SV2C: variants seen among roughly 807,000 people sequenced by gnomAD.
SV2C encodes synaptic vesicle glycoprotein 2C.
SV2C carries 49 observed loss-of-function variants against 79.7 expected under a neutral mutation model. The observed-to-expected ratio is 0.61, with a 90% CI of 0.49 to 0.78. The LOEUF (loss-of-function observed/expected upper bound fraction) is 0.78, where lower values mean the gene tolerates loss of function less well. Ranked by LOEUF, SV2C falls within the 30% of genes least tolerant of loss-of-function variation. SV2C has a pLI of 0.00. For missense variants in SV2C, 833 were observed against 912.9 expected (o/e 0.91, Z 1.13); for synonymous variants, 334 against 333.2 (o/e 1.00, Z -0.03).
chr5:76,038,695 C>G, the SV2C span, among the ~76,000 whole-genome samples: 1 of 152,176 alleles, frequency 6.6e-6, no homozygotes, highest in Admixed American at 6.5e-5. Flanking sequence ...GACAAATGTT[C>G]TCAATATACC....
intron 2 of SV2C, among the ~76,000 whole-genome samples, chr5:76,150,687 G>C (rs1749578621): frequency 1.5e-5 from 2 of 132,972 alleles, no homozygotes; most frequent in South Asian, 4.7e-4. Flanking sequence ...GCCCAGGCTG[G>C]AGTGCAGTGG....
the SV2C span, among the ~76,000 whole-genome samples, chr5:75,873,739 C>T: frequency 7.9e-5 from 12 of 151,868 alleles, no homozygotes; most frequent in Non-Finnish European, 1.6e-4. Flanking sequence ...TTACCATTGA[C>T]CCCACAGAAA....
At chr5:76,174,641 T>C (rs1743466372) in intron 2 of SV2C, among the ~76,000 whole-genome samples, 1 of 152,250 alleles carries the variant, frequency 6.6e-6, no homozygotes, top group Non-Finnish European at 1.5e-5. Context: ...ACCTGTGGTC[T>C]CTATCACATT....
At chr5:75,986,323 A>G in the SV2C span, among the ~76,000 whole-genome samples, 2 of 151,768 alleles carry the variant, frequency 1.3e-5, no homozygotes, top group Non-Finnish European at 2.9e-5. Context: ...GAGGACTCAG[A>G]GCCAGAAGAG....
intron 4 of SV2C, among the ~76,000 whole-genome samples, chr5:76,254,263 G>T (rs1206726175): frequency 4.6e-5 from 7 of 151,508 alleles, no homozygotes; most frequent in African/African-American, 1.5e-4. Context: ...TATATAGAGA[G>T]AGAGAGAGAG....
the SV2C span, among the ~76,000 whole-genome samples, chr5:75,893,255 A>G: frequency 6.6e-6 from 1 of 151,912 alleles, no homozygotes; most frequent in Non-Finnish European, 1.5e-5. Context: ...CCCTTTGTCC[A>G]CTTTTCAATG....
the SV2C span, among the ~76,000 whole-genome samples, chr5:75,887,569 G>T: frequency 6.6e-6 from 1 of 151,984 alleles, no homozygotes; most frequent in African/African-American, 2.4e-5. Flanking sequence ...ATCTTCCATC[G>T]TCTGGAATGC....
intron 2 of SV2C, among the ~76,000 whole-genome samples, chr5:76,182,180 C>T (rs1028228229): frequency 6.6e-6 from 1 of 152,112 alleles, no homozygotes; most frequent in African/African-American, 2.4e-5. Context: ...GCATGTGTTG[C>T]CTGCTCTGCC....
At chr5:76,344,302 GGAAA>G (rs1749496963) in intron 12 of SV2C, among the ~76,000 whole-genome samples, 1 of 152,120 alleles carries the variant, frequency 6.6e-6, no homozygotes, top group South Asian at 2.1e-4. Flanking sequence ...CATCCCTATG[GGAAA>G]GAGACACTCT....
At chr5:76,268,151 C>G (rs973950144) in intron 4 of SV2C, among the ~76,000 whole-genome samples, 1 of 152,094 alleles carries the variant, frequency 6.6e-6, no homozygotes, top group Non-Finnish European at 1.5e-5. Context: ...TGCAAAGGAT[C>G]TTGTACTATA....
chr5:75,897,262 A>G, the SV2C span, among the ~76,000 whole-genome samples: 1 of 151,678 alleles, frequency 6.6e-6, no homozygotes, highest in Admixed American at 6.6e-5. Context: ...TAAGGAAGGG[A>G]TCCAGTTTCA....
intron 2 of SV2C, among the ~76,000 whole-genome samples, chr5:76,143,374 C>T (rs1749321315): frequency 6.6e-6 from 1 of 152,100 alleles, no homozygotes; most frequent in African/African-American, 2.4e-5. Context: ...ACCCCAGAAA[C>T]AAGTTCATTC....
At chr5:76,011,807 G>A in the SV2C span, among the ~76,000 whole-genome samples, 2 of 152,136 alleles carry the variant, frequency 1.3e-5, no homozygotes, top group East Asian at 3.9e-4. Context: ...TCTCCTCCCT[G>A]TGTCCATGTA....
chr5:76,318,792 A>C (rs1178868345), intron 12 of SV2C, among the ~76,000 whole-genome samples: 1 of 152,208 alleles, frequency 6.6e-6, no homozygotes. Context: ...ATGACACTAG[A>C]TCATTTCATT....
intron 1 of SV2C, among the ~76,000 whole-genome samples, chr5:76,097,630 A>T (rs536744436): frequency 1.3e-5 from 2 of 152,188 alleles, no homozygotes; most frequent in Admixed American, 1.3e-4. Flanking sequence ...TTATGTGTAG[A>T]GGTAGATTAT....
chr5:76,048,971 GAAAGAA>G, the SV2C span, among the ~76,000 whole-genome samples: 1 of 63,290 alleles, frequency 1.6e-5, no homozygotes, highest in South Asian at 9.1e-4. Flanking sequence ...AAAAGAGAAA[GAAAGAA>G]AGAAAGAAAG....
At chr5:75,930,443 GGTTCTAT>G in the SV2C span, among the ~76,000 whole-genome samples, 1 of 152,162 alleles carries the variant, frequency 6.6e-6, no homozygotes, top group Admixed American at 6.5e-5. Context: ...GAAGCTCACT[GGTTCTAT>G]TAACAAAAAG....
At chr5:76,269,485 T>C (rs1580005740) in intron 4 of SV2C, among the ~76,000 whole-genome samples, 1 of 152,160 alleles carries the variant, frequency 6.6e-6, no homozygotes, top group East Asian at 1.9e-4. Context: ...CGAAACAGGA[T>C]GCGTGTGAGG....
At chr5:75,933,411 G>A in the SV2C span, among the ~76,000 whole-genome samples, 1 of 152,060 alleles carries the variant, frequency 6.6e-6, no homozygotes, top group Non-Finnish European at 1.5e-5. Flanking sequence ...CTCATCATTT[G>A]GCCCCGTTCT....
Sources: gnomAD v4.1 joint callset for allele counts (sites outside exome capture counted in the v4.1 genomes callset) on GRCh38, gnomAD v4.1.1 for gene constraint, MANE v1.5 for transcripts, NCBI Gene and HGNC (gene_info 2026-07-23, HGNC 2026-07-21) for gene names.